PCTP: variants seen among roughly 807,000 people sequenced by gnomAD.
PCTP encodes START domain-containing protein 2.
In PCTP, 27 loss-of-function variants were observed where a neutral mutation model predicts 31.0. That is an observed-to-expected ratio of 0.87 (90% CI 0.64 to 1.20). PCTP has a LOEUF of 1.20. PCTP is among the 50% of genes most tolerant of loss of function. PCTP has a pLI of 0.00. For synonymous variants in PCTP, 108 were observed against 101.2 expected, an observed-to-expected ratio of 1.07 and a Z score of -0.40; for missense variants, 287 against 268.2, an observed-to-expected ratio of 1.07 and a Z score of -0.49.
chr17:55,792,744 C>G (rs1221139758), intron 3 of PCTP, among the ~76,000 whole-genome samples: 1 of 152,090 alleles, frequency 6.6e-6, no homozygotes, highest in Non-Finnish European at 1.5e-5. Flanking sequence ...TTTTATGATT[C>G]TTAGCCTTTC....
chr17:55,809,240 A>G (rs371165445), intron 3 of PCTP, among the ~76,000 whole-genome samples: 1 of 152,194 alleles, frequency 6.6e-6, no homozygotes, highest in Non-Finnish European at 1.5e-5. Context: ...CAAACAAAAA[A>G]CAAAACACAA....
chr17:55,804,186 A>G (rs969776578), intron 3 of PCTP, among the ~76,000 whole-genome samples: 3 of 152,230 alleles, frequency 2.0e-5, no homozygotes, highest in African/African-American at 7.2e-5. Context: ...TCCAGATAGA[A>G]TGGCGATCAT....
intron 5 of PCTP, among the ~76,000 whole-genome samples, chr17:55,830,051 G>C (rs34051930): frequency 0.13 from 17,384 of 138,170 alleles, 1,116 homozygotes; most frequent in Middle Eastern, 0.23. Flanking sequence ...TATATTACTT[G>C]AATTCTGTTG....
At chr17:55,816,703 T>G (rs1367127526) in intron 3 of PCTP, among the ~76,000 whole-genome samples, 1 of 152,158 alleles carries the variant, frequency 6.6e-6, no homozygotes, top group Non-Finnish European at 1.5e-5. Context: ...GCTCAACAAA[T>G]CAGAAATCGA....
At chr17:55,781,466 A>T (rs547056358), downstream of PCTP, among the ~76,000 whole-genome samples, 1 of 152,236 alleles carries the variant, frequency 6.6e-6, no homozygotes, top group Non-Finnish European at 1.5e-5. Context: ...AGCTACTTCT[A>T]TGAATCACCT....
chr17:55,832,100 A>C lies in PCTP; in HGVS notation n.505+9173A>C, dbSNP rs564814670. Among the ~76,000 whole-genome samples the C allele has an allele frequency of 2.9e-4, 44 of 152,082 alleles. No homozygotes were observed. In the East Asian group the frequency reaches 6.4e-3, roughly 22 times the overall value. ...AAACAAACAAACAAACAACAACAAC[A>C]ACAAAAAACAAAAACAGAAACACCC... On this transcript the variant is annotated intron_variant and non_coding_transcript_variant, in intron 5 of 5. Transcript: ENST00000576221.
intron 3 of PCTP, among the ~76,000 whole-genome samples, chr17:55,820,731 A>C (rs1249867814): frequency 6.6e-6 from 1 of 152,228 alleles, no homozygotes; most frequent in Non-Finnish European, 1.5e-5. Flanking sequence ...CTGAATAGAC[A>C]TTTCTCCAAA....
At chr17:55,806,887 T>G (rs147966985) in intron 3 of PCTP, among the ~76,000 whole-genome samples, 8 of 152,144 alleles carry the variant, frequency 5.3e-5, no homozygotes, top group South Asian at 2.1e-4. Context: ...ATTTCTCAAT[T>G]GAGACCTGAG....
chr17:55,801,988 AAG>A (rs1360482936), intron 3 of PCTP, among the ~76,000 whole-genome samples: 1 of 152,188 alleles, frequency 6.6e-6, no homozygotes, highest in Non-Finnish European at 1.5e-5. Context: ...TAAGGAATAA[AAG>A]AGAGAAGAAT....
the PCTP span, among the ~76,000 whole-genome samples, chr17:55,851,384 A>G: frequency 6.6e-6 from 1 of 152,162 alleles, no homozygotes; most frequent in African/African-American, 2.4e-5. Flanking sequence ...GCTGAAATGG[A>G]CTATGGAGGT....
chr17:55,796,840 A>T (rs1250469328), intron 3 of PCTP, among the ~76,000 whole-genome samples: 2 of 151,956 alleles, frequency 1.3e-5, no homozygotes, highest in African/African-American at 4.8e-5. Context: ...AAAAAAGATT[A>T]TTTCTGTATG....
chr17:55,775,356 A>G, intron 5 of PCTP: 1 of 1,231,822 alleles, frequency 8.1e-7, no homozygotes, highest in Non-Finnish European at 1.0e-6. Flanking sequence ...ACTGCCCAGG[A>G]GCCTGGCATT....
intron 3 of PCTP, among the ~76,000 whole-genome samples, chr17:55,773,028 C>T (rs1243697829): frequency 6.6e-6 from 1 of 152,180 alleles, no homozygotes; most frequent in Non-Finnish European, 1.5e-5. Context: ...CTTTCATTAT[C>T]CTCCCTAGAA....
chr17:55,765,664 T>A (rs558409457), intron 1 of PCTP, among the ~76,000 whole-genome samples: 1 of 152,340 alleles, frequency 6.6e-6, no homozygotes, highest in Non-Finnish European at 1.5e-5. Context: ...TTTAAAAAAT[T>A]AATTTGATTG....
chr17:55,819,774 C>T (rs527451647), intron 3 of PCTP, among the ~76,000 whole-genome samples: 1 of 152,106 alleles, frequency 6.6e-6, no homozygotes, highest in East Asian at 1.9e-4. Flanking sequence ...TAACTTGCTA[C>T]AAATCTACAG....
intron 3 of PCTP, among the ~76,000 whole-genome samples, chr17:55,795,927 A>G (rs933791308): frequency 8.5e-5 from 13 of 152,094 alleles, no homozygotes; most frequent in Admixed American, 2.6e-4. Flanking sequence ...ACTTTAAAAC[A>G]TGTTAATGAA....
chr17:55,842,320 C>A (rs1029205002), intron 5 of PCTP, among the ~76,000 whole-genome samples: 1 of 152,180 alleles, frequency 6.6e-6, no homozygotes, highest in Admixed American at 6.5e-5. Context: ...CCAGAACTGG[C>A]TCTTGAACTT....
chr17:55,784,449 A>G (rs1303410158), intron 2 of PCTP, among the ~76,000 whole-genome samples: 3 of 152,050 alleles, frequency 2.0e-5, no homozygotes, highest in Non-Finnish European at 4.4e-5. Flanking sequence ...GCAGTGTAAT[A>G]ATAATAACAA....
At chr17:55,827,455 T>C (rs1905436477), downstream of PCTP, among the ~76,000 whole-genome samples, 1 of 152,252 alleles carries the variant, frequency 6.6e-6, no homozygotes, top group African/African-American at 2.4e-5. Flanking sequence ...GAAACAAGAA[T>C]GCTCAGCTGA....
Sources: gnomAD v4.1 joint callset for allele counts (sites outside exome capture counted in the v4.1 genomes callset) on GRCh38, gnomAD v4.1.1 for gene constraint, MANE v1.5 for transcripts, NCBI Gene and HGNC (gene_info 2026-07-23, HGNC 2026-07-21) for gene names.